The following CFAP99 variants were observed in gnomAD, a reference collection of about 807,000 sequenced individuals.
The protein encoded by CFAP99 is cilia- and flagella-associated protein 99.
In CFAP99, 84 loss-of-function variants were observed where a neutral mutation model predicts 82.7. That is an observed-to-expected ratio of 1.02 (90% CI 0.85 to 1.22). The LOEUF is 1.22. Ranked by LOEUF, CFAP99 falls within the 50% of genes most tolerant of loss-of-function variation. CFAP99 has a pLI of 0.00. For missense variants in CFAP99, 1,059 were observed against 983.5 expected (o/e 1.08, Z -1.03); for synonymous variants, 456 against 429.5 (o/e 1.06, Z -0.76).
chr4:2,419,940 T>C (rs1011435923), intron 1 of CFAP99, among the ~76,000 whole-genome samples: 1 of 152,076 alleles, frequency 6.6e-6, no homozygotes. Context: ...CAACCACTCC[T>C]CTGAAGCTCT....
At chr4:2,460,371 T>C (rs1326065570) in intron 14 of CFAP99, 129 bp downstream of exon 14, 1 of 791,458 alleles carries the variant, frequency 1.3e-6, no homozygotes, top group African/African-American at 1.7e-5. Context: ...TCCCTTGCCG[T>C]AACTCCCCTG....
At chr4:2,424,819 G>A (rs1306102907) in intron 1 of CFAP99, among the ~76,000 whole-genome samples, 1 of 152,196 alleles carries the variant, frequency 6.6e-6, no homozygotes, top group African/African-American at 2.4e-5. Flanking sequence ...AACGTGTTCG[G>A]GGCGTCCCTG....
chr4:2,419,393 C>T (rs1456814582), intron 1 of CFAP99, among the ~76,000 whole-genome samples: 1 of 152,126 alleles, frequency 6.6e-6, no homozygotes, highest in African/African-American at 2.4e-5. Flanking sequence ...AGCTAAAAAC[C>T]CACACGTGGC....
chr4:2,459,354 G>A lies in CFAP99; in HGVS notation c.1455+96G>A. The A allele has an allele frequency of 3.6e-6, 5 of 1,396,724 alleles. 1 individual carries two copies. In the South Asian group the frequency reaches 7.1e-5, roughly 20 times the overall value. The allele number at this position is 1,396,724 out of a possible 1,614,324, so 86.5% of individuals were successfully genotyped here. ...TCCAGGGTTCCCACCAGAGCCACAGGTGGGTCTTGCACCACCTGAAACCTG... is the reference window on the plus strand; with the variant it reads ...TCCAGGGTTCCCACCAGAGCCACAGATGGGTCTTGCACCACCTGAAACCTG... On this transcript the variant is annotated intron_variant, in intron 13 of 14. Coordinates refer to ENST00000635017, the Ensembl canonical transcript of CFAP99.
chr4:2,452,856 A>C (rs1299885120), intron 11 of CFAP99, among the ~76,000 whole-genome samples: 2 of 152,232 alleles, frequency 1.3e-5, no homozygotes, highest in East Asian at 1.9e-4. Flanking sequence ...TGAGCCTAGG[A>C]GTTCAAGATC....
intron 11 of CFAP99, 61 bp downstream of exon 11, chr4:2,452,407 A>T: frequency 6.7e-7 from 1 of 1,499,934 alleles, no homozygotes; most frequent in South Asian, 1.2e-5. Flanking sequence ...GCCCACCGGG[A>T]GCTGCAGGGC....
chr4:2,447,645 GTGGATGGATGGA>G (rs146216594), intron 6 of CFAP99, among the ~76,000 whole-genome samples: 3,333 of 147,360 alleles, frequency 0.023, 45 homozygotes, highest in Non-Finnish European at 0.035. Context: ...GGATGGGTGG[GTGGATGGATGGA>G]TGGATGGATG....
chr4:2,462,748 C>T lies in CFAP99; in HGVS notation c.1967C>T (p.Ala656Val), dbSNP rs1734656802. ...CGGTCCGCGGCCGGGAGATACGCAG[C>T]GGCGGGCGCGGGAGGCGGTGGGGGC... Residue 656 changes from alanine to valine, a missense_variant, in exon 15 of 15, where the codon GCG (alanine) becomes GTG (valine). By Grantham distance (64) the Ala-to-Val change is moderately conservative. Coordinates refer to ENST00000635017, the Ensembl canonical transcript of CFAP99. This position sits in a 1 kb window ranked among gnomAD's most constrained non-coding sequence, Gnocchi z 4.1. 8.1e-6 allele frequency: 10 copies of T among 1,241,924 alleles called. No homozygotes were observed. Among genetic ancestry groups the T allele is most frequent in the Non-Finnish European group, 9.1e-6 (9 of 989,378 alleles). The allele number at this position is 1,241,924 out of a possible 1,614,324, so 76.9% of individuals were successfully genotyped here.
rs1390541760 is a variant in CFAP99, at chr4:2,448,274, C to G, written c.643-1396C>G. 6.6e-6 allele frequency among the ~76,000 whole-genome samples: 1 copy of G among 152,218 alleles called. No homozygotes were observed. The highest frequency in any genetic ancestry group is 6.5e-5 in the Admixed American group (1 of 15,282). On this transcript the variant is annotated intron_variant, in intron 6 of 14. Coordinates refer to ENST00000635017, the Ensembl canonical transcript of CFAP99. The surrounding 1 kb of genome is among the most constrained non-coding windows in gnomAD (Gnocchi z 5.2). ...GTCATGCTGCCAACTTCATCTCTCT[C>G]TCTGTCTCTGCCAAGCACAGCCCCT...
intron 6 of CFAP99, among the ~76,000 whole-genome samples, chr4:2,447,709 G>T (rs571493909): frequency 6.8e-6 from 1 of 147,924 alleles, no homozygotes; most frequent in African/African-American, 2.5e-5. Context: ...TTGTTGGATG[G>T]GTGGGTGGGT....
chr4:2,426,626 G>A, intron 2 of CFAP99, 40 bp downstream of exon 2: 2 of 1,295,690 alleles, frequency 1.5e-6, no homozygotes, highest in East Asian at 2.5e-5. Flanking sequence ...CACGCCAATG[G>A]CACCTGTTGT....
At chr4:2,431,798 C>T (rs1231871822) in intron 2 of CFAP99, among the ~76,000 whole-genome samples, 2 of 151,884 alleles carry the variant, frequency 1.3e-5, no homozygotes, top group African/African-American at 4.8e-5. Flanking sequence ...CTCATGGCCA[C>T]TTCCACCTCC....
At chr4:2,433,504 C>G (rs535681188) in intron 2 of CFAP99, among the ~76,000 whole-genome samples, 123 of 152,186 alleles carry the variant, frequency 8.1e-4, no homozygotes, top group African/African-American at 2.7e-3. Flanking sequence ...GAGGTGCCAG[C>G]CTGGCTGTTG....
At chr4:2,452,100 C>G in intron 10 of CFAP99, 42 bp from the exon 11 acceptor site, 1 of 1,528,026 alleles carries the variant, frequency 6.5e-7, no homozygotes, top group African/African-American at 1.4e-5. Context: ...GCCTCTGTCA[C>G]GGGAGAAACC....
At chr4:2,441,708 C>T (rs557503990) in intron 4 of CFAP99, among the ~76,000 whole-genome samples, 5 of 152,348 alleles carry the variant, frequency 3.3e-5, no homozygotes, top group East Asian at 3.9e-4. Flanking sequence ...CCCCATGCCC[C>T]GCTGGGCCAT....
intron 11 of CFAP99, among the ~76,000 whole-genome samples, chr4:2,456,071 T>C (rs1263085463): frequency 6.6e-6 from 1 of 152,206 alleles, no homozygotes; most frequent in East Asian, 1.9e-4. Flanking sequence ...ACCTGAATGT[T>C]CTCTGCTTAA....
chr4:2,434,864 G>A (rs927752941), intron 2 of CFAP99, among the ~76,000 whole-genome samples: 4 of 152,252 alleles, frequency 2.6e-5, no homozygotes, highest in African/African-American at 9.6e-5. Flanking sequence ...GATGCTAGAA[G>A]GGCGTGGGAA....
intron 1 of CFAP99, among the ~76,000 whole-genome samples, chr4:2,424,388 G>T (rs1429778547): frequency 6.6e-6 from 1 of 152,238 alleles, no homozygotes; most frequent in South Asian, 2.1e-4. Flanking sequence ...GGGAGATGGA[G>T]GTTGCAGTGA....
Position 2,448,977 on chromosome 4 carries a change from G to A in CFAP99, c.643-693G>A, listed in dbSNP as rs985897300. 6.6e-6 allele frequency among the ~76,000 whole-genome samples: 1 copy of A among 152,198 alleles called. No homozygotes were observed. Among genetic ancestry groups the A allele is most frequent in the African/African-American group, 2.4e-5 (1 of 41,426 alleles). ...AGGCATGGGTGAGGAATGGACAGCG[G>A]TCGTGGTCAGTGAGGCTGAGGGAGG... On this transcript the variant is annotated intron_variant, in intron 6 of 14. Coordinates refer to ENST00000635017, the Ensembl canonical transcript of CFAP99. This position sits in a 1 kb window ranked among gnomAD's most constrained non-coding sequence, Gnocchi z 5.2.
Sources: allele counts gnomAD v4.1 joint callset (sites outside exome capture counted in the v4.1 genomes callset), GRCh38; gene constraint gnomAD v4.1.1; non-coding constraint Gnocchi (gnomAD v3.1); transcripts MANE v1.5; gene names NCBI Gene and HGNC (gene_info 2026-07-23, HGNC 2026-07-21).